The following TBC1D22A variants were observed in gnomAD, a reference collection of about 807,000 sequenced individuals.
TBC1D22A encodes TBC1 domain family member 22A.
A neutral mutation model predicts 60.2 loss-of-function variants in TBC1D22A; 38 were observed. That is an observed-to-expected ratio of 0.63 (90% confidence interval 0.49 to 0.83). The LOEUF is 0.83. TBC1D22A is among the 40% of genes least tolerant of loss of function. The probability of loss-of-function intolerance (pLI) is 0.00; values close to 1 mark genes in which losing one functional copy is unlikely to be tolerated. For missense variants in TBC1D22A, 628 were observed against 701.0 expected, an observed-to-expected ratio of 0.90 and a Z score of 1.18; for synonymous variants, 302 against 281.7, an observed-to-expected ratio of 1.07 and a Z score of -0.72.
intron 4 of TBC1D22A, among the ~76,000 whole-genome samples, chr22:46,842,327 G>A (rs528451357): frequency 4.7e-4 from 72 of 152,326 alleles, no homozygotes; most frequent in Admixed American, 1.1e-3. Context: ...TGGGATCTAA[G>A]ACTTGGAATT....
At chr22:47,008,308 A>G (rs992708209) in intron 10 of TBC1D22A, among the ~76,000 whole-genome samples, 1 of 152,226 alleles carries the variant, frequency 6.6e-6, no homozygotes, top group African/African-American at 2.4e-5. Context: ...TCTTGGGGTC[A>G]GGTGCCCTTT....
At chr22:47,143,663 T>C (rs923245724) in intron 12 of TBC1D22A, among the ~76,000 whole-genome samples, 4 of 152,212 alleles carry the variant, frequency 2.6e-5, no homozygotes, top group Non-Finnish European at 4.4e-5. Flanking sequence ...TCCCCTGAGC[T>C]CTCTGATGGA....
intron 12 of TBC1D22A, among the ~76,000 whole-genome samples, chr22:47,124,894 G>A (rs560514174): frequency 6.6e-6 from 1 of 152,296 alleles, no homozygotes; most frequent in Non-Finnish European, 1.5e-5. Context: ...GGCCTGGAGG[G>A]GACAGAGGAC....
intron 11 of TBC1D22A, among the ~76,000 whole-genome samples, chr22:47,078,036 A>C (rs532460463): frequency 6.6e-6 from 1 of 152,332 alleles, no homozygotes; most frequent in Admixed American, 6.5e-5. Flanking sequence ...TGAAATTTAC[A>C]GAACTTGGTC....
intron 12 of TBC1D22A, among the ~76,000 whole-genome samples, chr22:47,128,933 G>A (rs760705147): frequency 4.0e-4 from 61 of 152,256 alleles, no homozygotes; most frequent in Non-Finnish European, 4.4e-4. Context: ...GTGAAGAGAA[G>A]CGTTACTTTA....
chr22:47,027,796 A>G (rs1428325597), intron 10 of TBC1D22A, among the ~76,000 whole-genome samples: 1 of 152,244 alleles, frequency 6.6e-6, no homozygotes, highest in Non-Finnish European at 1.5e-5. Flanking sequence ...AATATAATAA[A>G]AAGACAAGCT....
At chr22:46,797,770 A>G in intron 4 of TBC1D22A, 150 bp downstream of exon 4, 2 of 830,150 alleles carry the variant, frequency 2.4e-6, no homozygotes. Flanking sequence ...TTCATGTAAT[A>G]TTTTCAAGTC....
At chr22:46,989,721 G>C (rs1183697280) in intron 9 of TBC1D22A, among the ~76,000 whole-genome samples, 1 of 151,306 alleles carries the variant, frequency 6.6e-6, no homozygotes, top group Non-Finnish European at 1.5e-5. Flanking sequence ...TAATGAAAAA[G>C]TTTGAAATAT....
At chr22:47,011,564 G>A (rs369081777) in intron 10 of TBC1D22A, among the ~76,000 whole-genome samples, 3 of 152,212 alleles carry the variant, frequency 2.0e-5, no homozygotes. Flanking sequence ...AAGGGATAAA[G>A]TGTTTAATGG....
chr22:46,876,944 C>CGACG (rs1439458591), intron 4 of TBC1D22A, among the ~76,000 whole-genome samples: 6 of 152,240 alleles, frequency 3.9e-5, no homozygotes, highest in Non-Finnish European at 8.8e-5. Flanking sequence ...CAAGATTTCC[C>CGACG]GACGTTGAAC....
intron 4 of TBC1D22A, among the ~76,000 whole-genome samples, chr22:46,848,886 C>T (rs1471894663): frequency 7.5e-6 from 1 of 132,952 alleles, no homozygotes. Context: ...CTTCACCATG[C>T]AGTTTTTTTT....
chr22:46,958,664 G>A lies in TBC1D22A; in HGVS notation c.1016-15626G>A, dbSNP rs139629182. Among the ~76,000 whole-genome samples the A allele has an allele frequency of 4.6e-5, 7 of 152,332 alleles. No individual in the cohort carries two copies. The East Asian group carries it at 1.2e-3, about 25-fold the overall frequency. ...GGGCGTCTCTAGCCCTGTGCCCAGC[G>A]TCGGGACTTTTCCCCCAGCTGCTGG... On this transcript the variant is annotated intron_variant, in intron 8 of 12. Transcript: ENST00000337137.
chr22:47,100,690 C>T (rs1193216936), intron 11 of TBC1D22A, among the ~76,000 whole-genome samples: 1 of 152,196 alleles, frequency 6.6e-6, no homozygotes, highest in Admixed American at 6.5e-5. Flanking sequence ...TTCCTTCCGC[C>T]ATGATTGTAA....
intron 9 of TBC1D22A, among the ~76,000 whole-genome samples, chr22:46,985,089 A>C (rs1378394066): frequency 6.6e-6 from 1 of 152,174 alleles, no homozygotes; most frequent in Non-Finnish European, 1.5e-5. Context: ...GAATGGACTA[A>C]GCCCCGGGGA....
At chr22:47,125,792 G>T (rs1395562187) in intron 12 of TBC1D22A, among the ~76,000 whole-genome samples, 1 of 152,216 alleles carries the variant, frequency 6.6e-6, no homozygotes, top group Non-Finnish European at 1.5e-5. Context: ...CTGCTGTGGA[G>T]AGGGACCCGC....
At chr22:46,890,662 A>G (rs1324963966) in intron 5 of TBC1D22A, among the ~76,000 whole-genome samples, 3 of 152,190 alleles carry the variant, frequency 2.0e-5, no homozygotes, top group East Asian at 1.9e-4. Flanking sequence ...TGGCCCAGGA[A>G]TCAGGCTCTT....
chr22:47,128,914 G>A lies in TBC1D22A; in HGVS notation c.1425+17311G>A, dbSNP rs1006509823. Reference sequence around the variant, plus strand: ...ATGAGGCAGGCAAAGAAACAGGACCGTCAGCAGAGTGAAGAGAAGCGTTAC... The same window carrying A: ...ATGAGGCAGGCAAAGAAACAGGACCATCAGCAGAGTGAAGAGAAGCGTTAC... On this transcript the variant is annotated intron_variant, in intron 12 of 12. Coordinates refer to ENST00000337137, the MANE Select transcript of TBC1D22A (RefSeq NM_014346.5). Among the ~76,000 whole-genome samples, 8 of 152,236 alleles carry A rather than the reference G, an allele frequency of 5.3e-5. 1 individual carries two copies. The South Asian group carries it at 8.3e-4, about 16-fold the overall frequency.
chr22:46,823,824 C>T (rs183696275), intron 4 of TBC1D22A, among the ~76,000 whole-genome samples: 3 of 152,298 alleles, frequency 2.0e-5, no homozygotes, highest in African/African-American at 4.8e-5. Context: ...TCACAGGAGC[C>T]GGGAGTGCGG....
At chr22:47,073,487 G>T (rs558631702) in intron 11 of TBC1D22A, among the ~76,000 whole-genome samples, 3 of 152,294 alleles carry the variant, frequency 2.0e-5, no homozygotes, top group Non-Finnish European at 2.9e-5. Context: ...CTGCCAGCAT[G>T]CTGAGGCTGC....
Sources: allele counts gnomAD v4.1 joint callset (sites outside exome capture counted in the v4.1 genomes callset), GRCh38; gene constraint gnomAD v4.1.1; transcripts MANE v1.5; gene names NCBI Gene and HGNC (gene_info 2026-07-23, HGNC 2026-07-21).